Variants in NTM observed in about 807,000 individuals in gnomAD.
NTM encodes the protein neurotrimin, also known as IgLON family member 2.
NTM carries 13 observed loss-of-function variants against 42.1 expected under a neutral mutation model. The ratio of observed to expected loss-of-function variants is 0.31; its 90% CI spans 0.20 to 0.49. NTM has a LOEUF of 0.49. NTM is among the 20% of genes least tolerant of loss of function. The probability of loss-of-function intolerance (pLI) is 0.99; values close to 1 mark genes in which losing one functional copy is unlikely to be tolerated. For synonymous variants in NTM, 187 were observed against 179.2 expected (o/e 1.04, Z -0.35); for missense variants, 373 against 452.8 (o/e 0.82, Z 1.60).
At chr11:132,128,021 T>G (rs2066143303) in intron 2 of NTM, among the ~76,000 whole-genome samples, 1 of 152,210 alleles carries the variant, frequency 6.6e-6, no homozygotes, top group Admixed American at 6.5e-5. Context: ...TTCTCATATT[T>G]GGGCACTCTC....
Position 132,199,834 on chromosome 11 carries a change from T to C in NTM, c.401-12188T>C, listed in dbSNP as rs184630435. Among the ~76,000 whole-genome samples the C allele has an allele frequency of 2.0e-5, 3 of 151,924 alleles. No homozygotes were observed. In the East Asian group the frequency reaches 5.8e-4, roughly 29 times the overall value. Reference sequence around the variant, plus strand: ...TTTAATTAGTTTCTGAATGATGACATGTCTACTGAGAAGCAACTGGTTGCG... The same window carrying C: ...TTTAATTAGTTTCTGAATGATGACACGTCTACTGAGAAGCAACTGGTTGCG... On this transcript the variant is annotated intron_variant, in intron 3 of 8. Coordinates refer to ENST00000683400, the MANE Select transcript of NTM (RefSeq NM_001352005.2).
At chr11:131,718,468 G>T (rs548635924) in intron 1 of NTM, among the ~76,000 whole-genome samples, 1 of 152,284 alleles carries the variant, frequency 6.6e-6, no homozygotes, top group African/African-American at 2.4e-5. Flanking sequence ...AGATACTCAT[G>T]CGTACCCAAT....
chr11:131,498,976 C>T (rs962975726), intron 1 of NTM, among the ~76,000 whole-genome samples: 4 of 152,146 alleles, frequency 2.6e-5, no homozygotes, highest in East Asian at 1.9e-4. Context: ...GCTGGCACTG[C>T]CTTCTGGGGA....
intron 3 of NTM, among the ~76,000 whole-genome samples, chr11:132,148,822 G>C (rs963178123): frequency 7.9e-5 from 12 of 152,106 alleles, no homozygotes; most frequent in African/African-American, 2.9e-4. Flanking sequence ...ATGATGGGAG[G>C]GGGTGAGAGG....
chr11:131,633,620 C>T (rs953635012), intron 1 of NTM, among the ~76,000 whole-genome samples: 11 of 109,058 alleles, frequency 1.0e-4, no homozygotes, highest in Non-Finnish European at 1.8e-4. Flanking sequence ...TCACTCTCTC[C>T]CTCTCTCTAT....
chr11:131,534,798 G>A (rs1591968246), intron 1 of NTM: 2 of 152,220 alleles, frequency 1.3e-5, no homozygotes, highest in Admixed American at 1.3e-4. Context: ...ATGTGCTAAG[G>A]CCAAGCCAGG....
intron 1 of NTM, among the ~76,000 whole-genome samples, chr11:131,545,011 C>T (rs558051944): frequency 8.5e-5 from 13 of 152,104 alleles, no homozygotes; most frequent in African/African-American, 1.4e-4. Flanking sequence ...CTTCTTTTTA[C>T]GAAAATTTAG....
At chr11:131,476,220 T>A (rs1288727526) in intron 1 of NTM, among the ~76,000 whole-genome samples, 1 of 152,220 alleles carries the variant, frequency 6.6e-6, no homozygotes, top group Non-Finnish European at 1.5e-5. Context: ...TCATAATCCA[T>A]TCTCCACTAA....
chr11:131,708,068 A>G (rs2076763499), intron 1 of NTM, among the ~76,000 whole-genome samples: 1 of 152,182 alleles, frequency 6.6e-6, no homozygotes, highest in Admixed American at 6.5e-5. Context: ...GAATTCACTG[A>G]AGTTACAGGC....
chr11:131,438,574 G>A (rs1025290396), intron 1 of NTM, among the ~76,000 whole-genome samples: 16 of 151,954 alleles, frequency 1.1e-4, no homozygotes, highest in Admixed American at 6.6e-4. Context: ...TGATCGAATC[G>A]GCTGTTGAAG....
chr11:132,161,395 T>TCCC (rs1348565271), intron 3 of NTM, among the ~76,000 whole-genome samples: 172 of 97,388 alleles, frequency 1.8e-3, no homozygotes, highest in African/African-American at 4.4e-3. Context: ...TTTTTTTTTT[T>TCCC]CCCCACAAAA....
intron 2 of NTM, among the ~76,000 whole-genome samples, chr11:132,005,337 T>C (rs1011126377): frequency 3.3e-5 from 5 of 152,190 alleles, no homozygotes; most frequent in Non-Finnish European, 7.3e-5. Flanking sequence ...GTAAGACACA[T>C]TTTCTGAGTC....
chr11:131,789,827 G>C (rs748196979), intron 1 of NTM, among the ~76,000 whole-genome samples: 47 of 150,826 alleles, frequency 3.1e-4, no homozygotes, highest in Non-Finnish European at 5.9e-4. Flanking sequence ...GTGGTGGCGG[G>C]AGCCTGTAGT....
rs372902279 is a variant in NTM, at chr11:132,012,360, A to G, written c.167+100712A>G. Among the ~76,000 whole-genome samples, 21 of 152,338 alleles carry G rather than the reference A, an allele frequency of 1.4e-4. 2 individuals are homozygous for G. The highest frequency in any genetic ancestry group is 4.8e-4 in the African/African-American group (20 of 41,584). Reference sequence around the variant, plus strand: ...ATCAAGTAGCTGTCTTGTCATTCCCACTGTAATTAATCAATGCTTTTGGAA... The same window carrying G: ...ATCAAGTAGCTGTCTTGTCATTCCCGCTGTAATTAATCAATGCTTTTGGAA... On this transcript the variant is annotated intron_variant, in intron 2 of 8. Coordinates refer to ENST00000683400, the MANE Select transcript of NTM (RefSeq NM_001352005.2).
In NTM at chr11:132,158,263, G is replaced by A. The variant is rs548063102; in HGVS notation, c.400+11749G>A. Among the ~76,000 whole-genome samples the A allele has an allele frequency of 5.9e-5, 9 of 152,244 alleles. No homozygotes were observed. The South Asian group carries it at 1.7e-3, about 28-fold the overall frequency. On this transcript the variant is annotated intron_variant, in intron 3 of 8. Coordinates refer to ENST00000683400, the MANE Select transcript of NTM (RefSeq NM_001352005.2). ...GATATGCCTGTGATACACCAAGGTG[G>A]CCTCCTGGCTTCCAGGCCTTAAAGC...
chr11:131,411,060 C>T (rs867603294), intron 1 of NTM, among the ~76,000 whole-genome samples: 2 of 152,190 alleles, frequency 1.3e-5, no homozygotes, highest in African/African-American at 4.8e-5. Flanking sequence ...CATGACTTGG[C>T]CATGTTCTGA....
intron 4 of NTM, among the ~76,000 whole-genome samples, chr11:132,302,388 A>T (rs2094898450): frequency 6.6e-6 from 1 of 152,202 alleles, no homozygotes; most frequent in Non-Finnish European, 1.5e-5. Flanking sequence ...ATTTAAAGAA[A>T]ATCTTTTCTG....
intron 2 of NTM, among the ~76,000 whole-genome samples, chr11:131,956,102 AG>A (rs956150542): frequency 5.3e-5 from 8 of 152,162 alleles, no homozygotes; most frequent in African/African-American, 1.7e-4. Context: ...GATTTTCTTT[AG>A]GACAAACCTC....
intron 1 of NTM, among the ~76,000 whole-genome samples, chr11:131,733,468 TTCC>T (rs2079967594): frequency 5.9e-5 from 3 of 51,252 alleles, no homozygotes; most frequent in African/African-American, 2.1e-4. Context: ...CCTTCTTTCC[TTCC>T]TTCCTTCCTT....
Sources: allele counts gnomAD v4.1 joint callset (sites outside exome capture counted in the v4.1 genomes callset), GRCh38; gene constraint gnomAD v4.1.1; transcripts MANE v1.5; gene names NCBI Gene and HGNC (gene_info 2026-07-23, HGNC 2026-07-21).